Variants in ZNF609 observed in about 807,000 individuals in gnomAD.
The protein encoded by ZNF609 is zinc finger protein 609.
Under a neutral mutation model 109.5 loss-of-function variants are expected in ZNF609, and 11 were observed. The observed-to-expected ratio is 0.10, with a 90% CI of 0.06 to 0.17. The LOEUF (loss-of-function observed/expected upper bound fraction) is 0.17. Ranked by LOEUF, ZNF609 falls within the 10% of genes least tolerant of loss-of-function variation. The probability of loss-of-function intolerance (pLI) is 1.00; values close to 1 mark genes in which losing one functional copy is unlikely to be tolerated. For synonymous variants in ZNF609, 646 were observed against 662.0 expected (o/e 0.98, Z 0.37); for missense variants, 1,559 against 1,772.4 (o/e 0.88, Z 2.16).
chr15:64,476,258 C>T (rs574768210), intron 1 of ZNF609, among the ~76,000 whole-genome samples: 1 of 147,118 alleles, frequency 6.8e-6, no homozygotes, highest in African/African-American at 2.5e-5. Flanking sequence ...ATGCCCTGTT[C>T]TAGTTGTTTA....
chr15:64,470,815 C>A (rs1893081445), intron 1 of ZNF609, among the ~76,000 whole-genome samples: 1 of 152,130 alleles, frequency 6.6e-6, no homozygotes, highest in Admixed American at 6.6e-5. Flanking sequence ...CCACTGCACC[C>A]GGCCTCTTTC....
intron 2 of ZNF609, among the ~76,000 whole-genome samples, chr15:64,522,019 TGACTCGAGACAAAA>T (rs1373603141): frequency 6.6e-6 from 1 of 152,186 alleles, no homozygotes; most frequent in African/African-American, 2.4e-5. Flanking sequence ...AGGCATCTGG[TGACTCGAGACAAAA>T]GCCTATTATG....
At chr15:64,484,416 G>A (rs574901850) in intron 1 of ZNF609, among the ~76,000 whole-genome samples, 2 of 152,292 alleles carry the variant, frequency 1.3e-5, no homozygotes, top group African/African-American at 4.8e-5. Context: ...AGTGGCTCAC[G>A]CCTGTAATCC....
At chr15:64,552,129 T>A (rs190275393) in intron 2 of ZNF609, among the ~76,000 whole-genome samples, 66 of 152,334 alleles carry the variant, frequency 4.3e-4, no homozygotes, top group African/African-American at 1.5e-3. Context: ...GTCTGTGGCT[T>A]GTCTTTTCAT....
In ZNF609 at chr15:64,675,042, A is replaced by G; in HGVS notation, c.2188A>G (p.Lys730Glu). The change falls in exon 5 of 10, where the codon AAA becomes GAA. Residue 730 changes from lysine to glutamate, a missense_variant. Lys to Glu is a moderately conservative substitution (Grantham distance 56). Transcript: ENST00000326648. ...GACTCCAGCCAAGGACAAGAAAAAG[A>G]AAGACAAAAAAAAGAAGGAATCTTC... ...ALTPAKDKKKKDKKKKESSKE... is the reference protein window; with the variant it reads ...ALTPAKDKKKEDKKKKESSKE... The G allele has an allele frequency of 6.2e-7, 1 of 1,614,174 alleles. No individual in the cohort carries two copies. Among genetic ancestry groups the G allele is most frequent in the Non-Finnish European group, 8.5e-7 (1 of 1,180,052 alleles).
intron 2 of ZNF609, among the ~76,000 whole-genome samples, chr15:64,603,474 G>A (rs911575118): frequency 6.6e-6 from 1 of 151,034 alleles, no homozygotes; most frequent in South Asian, 2.1e-4. Flanking sequence ...TCTCCATGTC[G>A]CCCAGGCTAG....
intron 2 of ZNF609, among the ~76,000 whole-genome samples, chr15:64,622,445 T>C (rs571055070): frequency 1.3e-5 from 2 of 152,356 alleles, no homozygotes; most frequent in South Asian, 4.1e-4. Flanking sequence ...TGCTGGGCCT[T>C]GTCTTTCTCA....
At chr15:64,465,664 A>C (rs1016711729) in intron 1 of ZNF609, among the ~76,000 whole-genome samples, 1 of 151,314 alleles carries the variant, frequency 6.6e-6, no homozygotes, top group Non-Finnish European at 1.5e-5. Context: ...TACAGGTGTG[A>C]GCCATCATGC....
intron 1 of ZNF609, among the ~76,000 whole-genome samples, chr15:64,480,824 A>G (rs1893241465): frequency 6.6e-6 from 1 of 152,246 alleles, no homozygotes; most frequent in Admixed American, 6.5e-5. Context: ...GAATTGGAGA[A>G]GCTGCAAAAT....
At chr15:64,508,453 G>C (rs1243352961) in intron 2 of ZNF609, among the ~76,000 whole-genome samples, 2 of 152,156 alleles carry the variant, frequency 1.3e-5, no homozygotes, top group Non-Finnish European at 2.9e-5. Flanking sequence ...TCTTTAAGCT[G>C]TCAGACCCTG....
chr15:64,650,783 A>G (rs1896405475), intron 3 of ZNF609, among the ~76,000 whole-genome samples: 1 of 152,112 alleles, frequency 6.6e-6, no homozygotes, highest in Non-Finnish European at 1.5e-5. Flanking sequence ...GAGTCTGTAG[A>G]ACTTTGAGAA....
intron 2 of ZNF609, chr15:64,529,291 C>T (rs984058540): frequency 7.0e-6 from 5 of 716,970 alleles, no homozygotes; most frequent in Non-Finnish European, 7.7e-6. Context: ...ATGGGGGCAT[C>T]AACAGAGAGG....
rs976664349 is a variant in ZNF609 at position 64,612,426 on chromosome 15, G to A, written c.748-10401G>A. On this transcript the variant is annotated intron_variant, in intron 2 of 9. Coordinates refer to ENST00000326648, the MANE Select transcript of ZNF609 (RefSeq NM_015042.2). ...AGCCTCCCAAAGTGCTGGGATTACA[G>A]GCGTGAGCCACTGTGCCCGGCCTAT... is the stretch of plus-strand genomic sequence containing the variant. Among the ~76,000 whole-genome samples, 8 of 152,064 alleles carry A rather than the reference G, an allele frequency of 5.3e-5. No homozygotes were observed. The South Asian group carries it at 6.2e-4, about 12-fold the overall frequency.
In ZNF609 at chr15:64,564,843, GT is replaced by G. The variant is rs751830681; in HGVS notation, c.748-57969del. Among the ~76,000 whole-genome samples, 492 of 138,334 alleles carry G rather than the reference GT, an allele frequency of 3.6e-3. 2 individuals carry two copies. The highest frequency in any genetic ancestry group is 7.1e-3 in the Middle Eastern group (2 of 280). The allele number at this position is 138,334 out of a possible 152,430, so 90.8% of individuals were successfully genotyped here. ...TTGTTATACACATTGCTCACTAACTGTTTTTTTTTTTTTTTCTTTTTAGAAA... is the reference window on the plus strand; with the variant it reads ...TTGTTATACACATTGCTCACTAACTGTTTTTTTTTTTTTTCTTTTTAGAAA... On this transcript the variant is annotated intron_variant, in intron 2 of 9. Transcript: ENST00000326648.
intron 2 of ZNF609, among the ~76,000 whole-genome samples, chr15:64,592,512 A>G (rs1235951667): frequency 6.6e-6 from 1 of 152,210 alleles, no homozygotes; most frequent in African/African-American, 2.4e-5. Flanking sequence ...CAGAAGGTGG[A>G]GGCTGCAGTG....
chr15:64,674,787 C>T lies in ZNF609; in HGVS notation c.1933C>T (p.Pro645Ser). 1.2e-6 allele frequency: 2 copies of T among 1,614,036 alleles called. No individual in the cohort carries two copies. Among genetic ancestry groups the T allele is most frequent in the Non-Finnish European group, 1.7e-6 (2 of 1,179,984 alleles). ...EKCKKPSSLKPEKIPSKSLKS... is the reference protein window; with the variant it reads ...EKCKKPSSLKSEKIPSKSLKS... ...ATGTAAAAAACCCTCTAGTTTAAAA[C>T]CTGAAAAGATTCCTTCCAAGAGCCT... Residue 645 changes from proline (P) to serine (S), a missense_variant, in exon 5 of 10, where the codon CCT becomes TCT. This residue lies in a region of ZNF609 where 1,204 missense variants were observed against 1,314.1 expected (regional missense o/e 0.92). Coordinates refer to ENST00000326648, the MANE Select transcript of ZNF609 (RefSeq NM_015042.2).
intron 2 of ZNF609, among the ~76,000 whole-genome samples, chr15:64,565,281 A>T (rs962141272): frequency 3.6e-4 from 46 of 129,440 alleles, no homozygotes; most frequent in Non-Finnish European, 1.3e-4. Context: ...GAGTTTCACC[A>T]TGTTGGCCAG....
In ZNF609 at chr15:64,638,704, C is replaced by T. The variant is rs558690426; in HGVS notation, c.973+15652C>T. Reference sequence around the variant, plus strand: ...TGAGCCCGGGAATTCAAGACCAGCCCGGACAACATGGCGAAACTCCATCTC... The same window carrying T: ...TGAGCCCGGGAATTCAAGACCAGCCTGGACAACATGGCGAAACTCCATCTC... On this transcript the variant is annotated intron_variant, in intron 3 of 9. Coordinates refer to ENST00000326648, the MANE Select transcript of ZNF609 (RefSeq NM_015042.2). Among the ~76,000 whole-genome samples, 18 of 151,578 alleles carry T rather than the reference C, an allele frequency of 1.2e-4. No homozygotes were observed. In the South Asian group the frequency reaches 1.7e-3, roughly 14 times the overall value.
chr15:64,494,502 C>T (rs532209545), intron 1 of ZNF609, among the ~76,000 whole-genome samples: 4 of 152,184 alleles, frequency 2.6e-5, no homozygotes, highest in East Asian at 1.9e-4. Context: ...TTACTTTCTT[C>T]CACACTGCAC....
Sources: gnomAD v4.1 joint callset for allele counts (sites outside exome capture counted in the v4.1 genomes callset) on GRCh38, gnomAD v4.1.1 for gene constraint, gnomAD v4.1.1 regional missense constraint, MANE v1.5 for transcripts, NCBI Gene and HGNC (gene_info 2026-07-23, HGNC 2026-07-21) for gene names.